The following GANC variants were observed in gnomAD, a reference collection of about 807,000 sequenced individuals.
The protein encoded by GANC is glucosidase alpha, neutral C.
In GANC, 117 loss-of-function variants were observed where a neutral mutation model predicts 124.2. The observed-to-expected ratio is 0.94, with a 90% confidence interval of 0.81 to 1.10. GANC has a LOEUF of 1.10. Ranked by LOEUF, GANC falls within the 50% of genes least tolerant of loss-of-function variation. The probability of loss-of-function intolerance (pLI) is 0.00; values close to 1 mark genes in which losing one functional copy is unlikely to be tolerated. For missense variants in GANC, 1,140 were observed against 1,095.0 expected (o/e 1.04, Z -0.58); for synonymous variants, 377 against 376.8 (o/e 1.00, Z -0.01).
chr15:42,336,649 A>G (rs1270286181), intron 15 of GANC, among the ~76,000 whole-genome samples: 1 of 152,246 alleles, frequency 6.6e-6, no homozygotes, highest in African/African-American at 2.4e-5. Flanking sequence ...TAATTAAACT[A>G]AACAGCTTCT....
chr15:42,321,002 C>G (rs554900262), intron 10 of GANC, among the ~76,000 whole-genome samples: 1 of 152,044 alleles, frequency 6.6e-6, no homozygotes, highest in South Asian at 2.1e-4. Context: ...TTCCTTTTTT[C>G]TTCTCTTTAC....
intron 10 of GANC, among the ~76,000 whole-genome samples, chr15:42,316,724 G>T (rs553812859): frequency 5.9e-4 from 90 of 152,300 alleles, no homozygotes; most frequent in African/African-American, 2.1e-3. Context: ...AGCTGGTGGA[G>T]CAGAGTGTTC....
intron 14 of GANC, among the ~76,000 whole-genome samples, chr15:42,329,752 T>C (rs965645519): frequency 6.6e-6 from 1 of 152,180 alleles, no homozygotes; most frequent in Non-Finnish European, 1.5e-5. Context: ...TACCTCAAAC[T>C]TTTATTGATG....
rs201131384 is a variant in GANC at position 42,339,782 on chromosome 15, C to T, written c.1957C>T (p.Arg653Ter). The T allele has an allele frequency of 2.5e-5, 41 of 1,614,010 alleles. No homozygotes were observed. The highest frequency in any genetic ancestry group is 5.0e-5 in the Admixed American group (3 of 59,996). Residue 653 changes from arginine to a stop codon, truncating the protein, a stop_gained, in exon 17 of 24, where the codon CGA (arginine) becomes TGA (stop). Transcript: ENST00000318010. LOFTEE classifies it high-confidence loss of function. Reference protein sequence around the residue: ...RGHATMNTKRREPWLFGEEHT... With the variant: ...RGHATMNTKR ...CCATGCCACCATGAACACCAAGCGA[C>T]GAGAGCCCTGGCTCTTTGGGGAGGA...
chr15:42,286,698 G>C (rs781744732), intron 3 of GANC, among the ~76,000 whole-genome samples: 2 of 152,154 alleles, frequency 1.3e-5, no homozygotes, highest in African/African-American at 2.4e-5. Flanking sequence ...TTTCGCAAGA[G>C]GCAAAGTTCC....
At chr15:42,322,512 A>G (rs1217418545) in intron 11 of GANC, among the ~76,000 whole-genome samples, 1 of 152,150 alleles carries the variant, frequency 6.6e-6, no homozygotes, top group African/African-American at 2.4e-5. Flanking sequence ...GGGCTCTTGC[A>G]CGCAGGCTGA....
In GANC at chr15:42,273,615, A is replaced by T; in HGVS notation, c.-867A>T. On this transcript the variant is annotated 5_prime_UTR_variant, in exon 1 of 24. Coordinates refer to ENST00000318010, the MANE Select transcript of GANC (RefSeq NM_198141.3). ...GGCGTCATCCTGTTGGAACCTGGTCAGCTGGGTTAGAGAGATCGCTACATG... is the reference window on the plus strand; with the variant it reads ...GGCGTCATCCTGTTGGAACCTGGTCTGCTGGGTTAGAGAGATCGCTACATG... The T allele has an allele frequency of 2.7e-6, 2 of 728,516 alleles. No individual in the cohort carries two copies. The highest frequency in any genetic ancestry group is 2.2e-6 in the Non-Finnish European group (1 of 458,432). The allele number at this position is 728,516 out of a possible 1,614,324, so 45.1% of individuals were successfully genotyped here. A position where few individuals can be genotyped will look rare whatever the true frequency, so the allele number is the denominator to read the frequency against.
intron 20 of GANC, among the ~76,000 whole-genome samples, chr15:42,346,406 T>G (rs374209550): frequency 9.8e-4 from 149 of 152,240 alleles, no homozygotes; most frequent in African/African-American, 3.3e-3. Context: ...GGTTTCTTTT[T>G]GGGGTGATGA....
At chr15:42,338,765 T>G (rs2141072678) in intron 16 of GANC, among the ~76,000 whole-genome samples, 1 of 152,024 alleles carries the variant, frequency 6.6e-6, no homozygotes, top group Admixed American at 6.6e-5. Context: ...TAGACGCTCT[T>G]GATAACTAAG....
At chr15:42,343,027 T>C in intron 18 of GANC, 51 bp from the exon 19 acceptor site, 1 of 1,493,976 alleles carries the variant, frequency 6.7e-7, no homozygotes, top group Non-Finnish European at 9.3e-7. Context: ...GAAAGGAGAT[T>C]TTTAGACCTC....
chr15:42,279,211 G>A (rs1566948241), intron 3 of GANC, among the ~76,000 whole-genome samples: 1 of 152,134 alleles, frequency 6.6e-6, no homozygotes, highest in Non-Finnish European at 1.5e-5. Flanking sequence ...AATGAAGTCT[G>A]GAAAATCACT....
chr15:42,327,286 C>A, intron 12 of GANC, 77 bp from the exon 13 acceptor site: 1 of 1,103,738 alleles, frequency 9.1e-7, no homozygotes, highest in African/African-American at 1.6e-5. Flanking sequence ...GCTCTCACAT[C>A]TGATACCTTC....
chr15:42,280,447 C>A (rs1267119550), intron 3 of GANC, among the ~76,000 whole-genome samples: 2 of 152,162 alleles, frequency 1.3e-5, no homozygotes, highest in Non-Finnish European at 2.9e-5. Flanking sequence ...GAGCCAACCA[C>A]TGTTTGCATG....
rs912243121 is a variant in GANC at position 42,352,198 on chromosome 15, C to G, written c.*59C>G. On this transcript the variant is annotated 3_prime_UTR_variant, in exon 24 of 24. Transcript: ENST00000318010. The stretch of plus-strand genomic sequence containing the variant: ...CTGCCTGCCCCTTTCAACCTTTCCC[C>G]TCACCTTTTTTGAGATTTTTGCTGC... 6.3e-7 allele frequency: 1 copy of G among 1,593,560 alleles called. No individual in the cohort carries two copies. The highest frequency in any genetic ancestry group is 1.3e-5 in the African/African-American group (1 of 74,348).
intron 10 of GANC, 81 bp downstream of exon 10, chr15:42,310,927 G>C: frequency 1.4e-6 from 2 of 1,451,842 alleles, no homozygotes; most frequent in Non-Finnish European, 1.9e-6. Flanking sequence ...GTTAATATTT[G>C]TTGTATACTA....
intron 5 of GANC, 23 bp from the exon 6 acceptor site, chr15:42,297,588 C>T (rs764183641): frequency 2.6e-5 from 41 of 1,601,812 alleles, no homozygotes; most frequent in Non-Finnish European, 3.4e-5. Flanking sequence ...TTGAGTGAAA[C>T]AACTTTATTT....
chr15:42,351,270 C>G (rs377408608), intron 22 of GANC, 59 bp from the exon 23 acceptor site: 1 of 1,173,616 alleles, frequency 8.5e-7, no homozygotes, highest in Non-Finnish European at 1.3e-6. Flanking sequence ...AGATGTTGAG[C>G]TGGTGGCCAC....
At chr15:42,296,831 A>G (rs930126915) in intron 5 of GANC, among the ~76,000 whole-genome samples, 17 of 151,490 alleles carry the variant, frequency 1.1e-4, no homozygotes, top group African/African-American at 4.1e-4. Context: ...TTTTCACTCA[A>G]ATATTTTTTT....
chr15:42,329,267 A>G (rs1309209702), intron 13 of GANC, 39 bp from the exon 14 acceptor site: 3 of 1,585,532 alleles, frequency 1.9e-6, no homozygotes, highest in Admixed American at 1.8e-5. Flanking sequence ...TATAGACATC[A>G]TCAATGTAGG....
Sources: gnomAD v4.1 joint callset for allele counts (sites outside exome capture counted in the v4.1 genomes callset) on GRCh38, gnomAD v4.1.1 for gene constraint, MANE v1.5 for transcripts, NCBI Gene and HGNC (gene_info 2026-07-23, HGNC 2026-07-21) for gene names.